The following ZMYM4 variants were observed in gnomAD, a reference collection of about 807,000 sequenced individuals.
ZMYM4 encodes zinc finger MYM-type protein 4.
In ZMYM4, 31 loss-of-function variants were observed where a neutral mutation model predicts 183.2. The observed-to-expected ratio is 0.17, with a 90% CI of 0.13 to 0.23. The LOEUF is 0.23. ZMYM4 is among the 10% of genes least tolerant of loss of function. The probability of loss-of-function intolerance (pLI) is 1.00; values close to 1 mark genes in which losing one functional copy is unlikely to be tolerated. For missense variants in ZMYM4, 1,273 were observed against 1,840.3 expected (o/e 0.69, Z 5.64); for synonymous variants, 592 against 631.2 (o/e 0.94, Z 0.93).
intron 2 of ZMYM4, among the ~76,000 whole-genome samples, chr1:35,347,171 A>G (rs1233276252): frequency 6.6e-6 from 1 of 152,046 alleles, no homozygotes; most frequent in African/African-American, 2.4e-5. Context: ...ACACCTGGCT[A>G]ATTACTTGTA....
At chr1:35,409,643 T>C (rs1044309902) in intron 26 of ZMYM4, among the ~76,000 whole-genome samples, 2 of 152,006 alleles carry the variant, frequency 1.3e-5, no homozygotes, top group African/African-American at 4.8e-5. Context: ...GGCTGGGTAA[T>C]TTATAAAGAA....
chr1:35,304,065 C>G (rs2097865303), intron 1 of ZMYM4, among the ~76,000 whole-genome samples: 1 of 151,824 alleles, frequency 6.6e-6, no homozygotes, highest in African/African-American at 2.4e-5. Flanking sequence ...CGCGCTGTCG[C>G]CTGGGCTGGA....
At chr1:35,284,065 T>C (rs1230064751) in intron 1 of ZMYM4, among the ~76,000 whole-genome samples, 2 of 151,774 alleles carry the variant, frequency 1.3e-5, no homozygotes, top group East Asian at 3.9e-4. Flanking sequence ...CAAGCTCCGC[T>C]TCCCGGGTTC....
chr1:35,399,168 T>C, intron 22 of ZMYM4, 125 bp downstream of exon 22: 1 of 1,007,154 alleles, frequency 9.9e-7, no homozygotes, highest in Non-Finnish European at 1.4e-6. Context: ...TTAGAGGTCA[T>C]AATCTAGAGC....
intron 25 of ZMYM4, among the ~76,000 whole-genome samples, chr1:35,406,792 G>A (rs1054027322): frequency 6.6e-6 from 1 of 152,196 alleles, no homozygotes; most frequent in Non-Finnish European, 1.5e-5. Flanking sequence ...CCATGTGTAT[G>A]TAATCTTATC....
chr1:35,420,312 T>TC lies in ZMYM4; in HGVS notation c.*638dup. The stretch of plus-strand genomic sequence containing the variant: ...CTTCACTGCTGTTAACAGTAATGTG[T>TC]CCCTTTCATTTTCTGGATCAAGCCT... On this transcript the variant is annotated 3_prime_UTR_variant, in exon 30 of 30. Transcript: ENST00000314607. 6.5e-6 allele frequency: 1 copy of TC among 154,070 alleles called. No homozygotes were observed. Among genetic ancestry groups the TC allele is most frequent in the East Asian group, 1.9e-4 (1 of 5,198 alleles). The allele number at this position is 154,070 out of a possible 1,614,324, so 9.5% of individuals were successfully genotyped here.
chr1:35,362,763 T>G (rs1224130423), intron 5 of ZMYM4, among the ~76,000 whole-genome samples: 1 of 152,018 alleles, frequency 6.6e-6, no homozygotes, highest in Non-Finnish European at 1.5e-5. Context: ...AATGCAGTGG[T>G]GCAATCACTG....
At chr1:35,282,903 T>G (rs1463842185) in intron 1 of ZMYM4, among the ~76,000 whole-genome samples, 2 of 150,874 alleles carry the variant, frequency 1.3e-5, no homozygotes, top group African/African-American at 4.9e-5. Context: ...TATAACATTT[T>G]CCATTTGCAC....
At chr1:35,402,604 G>A (rs773474365) in intron 23 of ZMYM4, among the ~76,000 whole-genome samples, 4 of 151,992 alleles carry the variant, frequency 2.6e-5, no homozygotes, top group Non-Finnish European at 4.4e-5. Flanking sequence ...GGGCGACAGA[G>A]CGAGACCCTG....
intron 2 of ZMYM4, among the ~76,000 whole-genome samples, chr1:35,336,860 G>A (rs1162020264): frequency 2.6e-5 from 4 of 152,222 alleles, no homozygotes; most frequent in Non-Finnish European, 5.9e-5. Context: ...AAAGGGAAGT[G>A]ATTGGATTAT....
intron 8 of ZMYM4, 34 bp from the exon 9 acceptor site, chr1:35,381,512 C>G (rs1644458410): frequency 6.2e-7 from 1 of 1,613,340 alleles, no homozygotes; most frequent in African/African-American, 1.3e-5. Flanking sequence ...GCTCTCTGCT[C>G]CTTGTTTTTG....
At chr1:35,310,589 T>G (rs1245654017) in intron 1 of ZMYM4, among the ~76,000 whole-genome samples, 1 of 152,148 alleles carries the variant, frequency 6.6e-6, no homozygotes, top group African/African-American at 2.4e-5. Context: ...TTTCTTTTCT[T>G]TTTTTTGAGA....
At chr1:35,345,921 A>G (rs1643375190) in intron 2 of ZMYM4, among the ~76,000 whole-genome samples, 1 of 152,208 alleles carries the variant, frequency 6.6e-6, no homozygotes, top group African/African-American at 2.4e-5. Flanking sequence ...CTGAAACTGT[A>G]CACCCAATTT....
At chr1:35,306,157 T>G (rs1641523061) in intron 1 of ZMYM4, among the ~76,000 whole-genome samples, 1 of 152,244 alleles carries the variant, frequency 6.6e-6, no homozygotes, top group Non-Finnish European at 1.5e-5. Flanking sequence ...ATTTTTTCAC[T>G]GTTCTATTTT....
rs971663826 is a variant in ZMYM4, at chr1:35,389,787, G to A, written c.2437-161G>A. On this transcript the variant is annotated intron_variant, in intron 14 of 29. Transcript: ENST00000314607. This position sits in a 1 kb window ranked among gnomAD's most constrained non-coding sequence, Gnocchi z 4.0. ...AAAAAAAATATATATATATATGTGTGTGTGTGTGTGTGTGTGTGTGTATAA... is the reference window on the plus strand; with the variant it reads ...AAAAAAAATATATATATATATGTGTATGTGTGTGTGTGTGTGTGTGTATAA... 9.5e-4 allele frequency among the ~76,000 whole-genome samples: 143 copies of A among 150,544 alleles called. 1 individual carries two copies. The highest frequency in any genetic ancestry group is 3.4e-3 in the African/African-American group (138 of 40,882).
intron 2 of ZMYM4, among the ~76,000 whole-genome samples, chr1:35,342,281 C>T (rs1408813490): frequency 2.0e-5 from 3 of 151,850 alleles, no homozygotes; most frequent in Non-Finnish European, 2.9e-5. Flanking sequence ...CACCCTCCCC[C>T]GTAGCTGGGA....
At chr1:35,345,746 C>T (rs1054343991) in intron 2 of ZMYM4, among the ~76,000 whole-genome samples, 1 of 152,162 alleles carries the variant, frequency 6.6e-6, no homozygotes, top group Admixed American at 6.5e-5. Flanking sequence ...TGTACCCAGC[C>T]TCCCACATTA....
At position 35,413,881 on chromosome 1, in the gene ZMYM4, T is replaced by C. The variant is rs528392107; in HGVS notation, c.3949-91T>C. The C allele has an allele frequency of 1.3e-4, 96 of 743,498 alleles. No individual in the cohort carries two copies. The African/African-American group carries it at 1.7e-3, about 13-fold the overall frequency. 46.1% of individuals were successfully genotyped at this position (743,498 alleles called of 1,614,324 possible). A position where few individuals can be genotyped will look rare whatever the true frequency, so the allele number is the denominator to read the frequency against. On this transcript the variant is annotated intron_variant, in intron 26 of 29. Coordinates refer to ENST00000314607, the MANE Select transcript of ZMYM4 (RefSeq NM_005095.3). ...GTTTATAATATTGTAAGGGCAAAAATTAAGGGTAAACTGTATTTCTTACAA... is the reference window on the plus strand; with the variant it reads ...GTTTATAATATTGTAAGGGCAAAAACTAAGGGTAAACTGTATTTCTTACAA...
chr1:35,374,277 A>G lies in ZMYM4; in HGVS notation c.1181+3650A>G, dbSNP rs753372171. 2.0e-5 allele frequency among the ~76,000 whole-genome samples: 3 copies of G among 151,348 alleles called. No homozygotes were observed. The East Asian group carries it at 5.9e-4, about 30-fold the overall frequency. ...TCAAACTCCCGACCTCAGATGACCCACCCGCCTTGGCCTCCCAAAGTGCTG... is the reference window on the plus strand; with the variant it reads ...TCAAACTCCCGACCTCAGATGACCCGCCCGCCTTGGCCTCCCAAAGTGCTG... On this transcript the variant is annotated intron_variant, in intron 7 of 29. Transcript: ENST00000314607.
Sources: allele counts gnomAD v4.1 joint callset (sites outside exome capture counted in the v4.1 genomes callset), GRCh38; gene constraint gnomAD v4.1.1; non-coding constraint Gnocchi (gnomAD v3.1); transcripts MANE v1.5; gene names NCBI Gene and HGNC (gene_info 2026-07-23, HGNC 2026-07-21).